Variants in CHCHD7 observed in about 807,000 individuals in gnomAD.
CHCHD7 encodes coiled-coil-helix-coiled-coil-helix domain-containing protein 7.
CHCHD7 carries 7 observed loss-of-function variants against 10.5 expected under a neutral mutation model. The ratio of observed to expected loss-of-function variants is 0.67; its 90% CI spans 0.38 to 1.25. The LOEUF (loss-of-function observed/expected upper bound fraction) is 1.25, where lower values mean the gene tolerates loss of function less well. CHCHD7 is among the 50% of genes most tolerant of loss of function. CHCHD7 has a pLI of 0.02. For synonymous variants in CHCHD7, 40 were observed against 36.0 expected (o/e 1.11, Z -0.40); for missense variants, 100 against 104.5 (o/e 0.96, Z 0.19).
intron 1 of CHCHD7, chr8:56,213,078 A>G (rs1585850438): frequency 1.2e-5 from 5 of 434,620 alleles, no homozygotes; most frequent in Non-Finnish European, 2.0e-5. Context: ...AGGTGTAAAA[A>G]AGAAAGCTGT....
intron 1 of CHCHD7, chr8:56,213,101 T>A (rs1813117073): frequency 2.4e-6 from 1 of 422,952 alleles, no homozygotes; most frequent in South Asian, 6.2e-5. Flanking sequence ...ATTTATTTAC[T>A]ATCATCATCT....
At chr8:56,215,743 A>G (rs1229088514) in intron 2 of CHCHD7, among the ~76,000 whole-genome samples, 4 of 152,170 alleles carry the variant, frequency 2.6e-5, no homozygotes, top group Non-Finnish European at 5.9e-5. Context: ...TCACAGAATC[A>G]TACCTTTCAC....
intron 2 of CHCHD7, 97 bp from the exon 3 acceptor site, chr8:56,216,336 C>T: frequency 6.5e-7 from 1 of 1,545,068 alleles, no homozygotes; most frequent in Non-Finnish European, 8.7e-7. Flanking sequence ...AACTATTTCA[C>T]ATTATTTGCT....
Position 56,216,510 on chromosome 8 carries a change from C to G in CHCHD7, c.132C>G (p.Tyr44Ter). ...RERCSTYFLRYKNCRRFWNSI... is the reference protein window; with the variant it reads ...RERCSTYFLR ...GGTGTTCCACTTACTTCTTGAGGTA[C>G]AAAAACTGCCGGAGATTCTGGGTAA... Residue 44 changes from tyrosine (Y) to a stop codon, truncating the protein, a stop_gained, in exon 3 of 4, where the codon TAC becomes TAG. Transcript: ENST00000355315. LOFTEE classifies it high-confidence loss of function. The G allele has an allele frequency of 6.2e-7, 1 of 1,614,148 alleles. No individual in the cohort carries two copies. The highest frequency in any genetic ancestry group is 1.1e-5 in the South Asian group (1 of 91,080).
intron 2 of CHCHD7, chr8:56,215,035 C>T (rs1209034784): frequency 1.1e-5 from 2 of 176,320 alleles, no homozygotes; most frequent in East Asian, 2.8e-4. Flanking sequence ...ATGTCCTTGA[C>T]AACCTGGCTG....
At chr8:56,216,910 C>T (rs75089937) in intron 3 of CHCHD7, 9,987 of 490,706 alleles carry the variant, frequency 0.02, 138 homozygotes, top group Non-Finnish European at 0.029. Flanking sequence ...CACTGCCATC[C>T]GTGGAAGTTA....
At chr8:56,216,384 T>C in intron 2 of CHCHD7, 49 bp from the exon 3 acceptor site, 1 of 1,608,262 alleles carries the variant, frequency 6.2e-7, no homozygotes, top group East Asian at 2.2e-5. Context: ...TTTGTTTGCT[T>C]TTAGATCCTG....
At chr8:56,216,240 A>T (rs1813335256) in intron 2 of CHCHD7, 193 bp from the exon 3 acceptor site, 2 of 781,562 alleles carry the variant, frequency 2.6e-6, no homozygotes, top group Admixed American at 6.0e-5. Context: ...AAAAAGGAAG[A>T]TGTTAGCCTG....
Position 56,218,419 on chromosome 8 carries a change from A to C in CHCHD7, c.*984A>C. On this transcript the variant is annotated 3_prime_UTR_variant, in exon 4 of 4. Transcript: ENST00000355315. ...GGTAGTTTTATGAAGACATACTATT[A>C]TTGAATGAAATTTAATGTGTACTTG... The C allele has an allele frequency of 4.5e-6, 1 of 219,842 alleles. No individual in the cohort carries two copies. The highest frequency in any genetic ancestry group is 9.1e-6 in the Non-Finnish European group (1 of 109,788). The allele number at this position is 219,842 out of a possible 1,614,324, so 13.6% of individuals were successfully genotyped here. A position where few individuals can be genotyped will look rare whatever the true frequency, so the allele number is the denominator to read the frequency against.
rs1263937118 is a variant in CHCHD7, at chr8:56,216,857, A to G, written c.153+326A>G. 8.3e-6 allele frequency: 5 copies of G among 605,966 alleles called. No individual in the cohort carries two copies. The Middle Eastern group carries it at 1.7e-3, about 200-fold the overall frequency. 37.5% of individuals were successfully genotyped at this position (605,966 alleles called of 1,614,324 possible). A position where few individuals can be genotyped will look rare whatever the true frequency, so the allele number is the denominator to read the frequency against. ...AACAGAATGTTTAACTTCCCTTGTC[A>G]TAACACATCATGTTAGGCTTCAATT... On this transcript the variant is annotated intron_variant, in intron 3 of 3. Coordinates refer to ENST00000355315, the MANE Select transcript of CHCHD7 (RefSeq NM_001011671.3).
In CHCHD7 at chr8:56,217,322, T is replaced by C. The variant is rs1227604228; in HGVS notation, c.154-9T>C. The stretch of plus-strand genomic sequence containing the variant: ...GTTTCTTCTTTTTTATTTTAATGCC[T>C]GTACACAGAATTCTATCGTGATGCA... On this transcript the variant is annotated splice_polypyrimidine_tract_variant and intron_variant, in intron 3 of 3. Coordinates refer to ENST00000355315, the MANE Select transcript of CHCHD7 (RefSeq NM_001011671.3). 47 of 1,557,866 alleles carry C rather than the reference T, an allele frequency of 3.0e-5. No individual in the cohort carries two copies. Among genetic ancestry groups the C allele is most frequent in the Non-Finnish European group, 4.1e-5 (46 of 1,130,030 alleles).
intron 1 of CHCHD7, chr8:56,214,150 T>C (rs1346470472): frequency 6.5e-6 from 1 of 152,790 alleles, no homozygotes; most frequent in East Asian, 1.9e-4. Context: ...ATCACAGCTC[T>C]CTGCAGCCTT....
rs1257442475 is a variant in CHCHD7 at position 56,214,669 on chromosome 8, T to C, written c.54+2T>C. The C allele has an allele frequency of 1.2e-6, 2 of 1,612,444 alleles. No homozygotes were observed. ...CCTGACATAAATCCTTGTTTGTCGG[T>C]AGGATGGTTTGCTTTAATTTTCATG... On this transcript the variant is annotated splice_donor_variant, in intron 2 of 3. Transcript: ENST00000355315. LOFTEE classifies it high-confidence loss of function.
rs1813477452 is a variant in CHCHD7 at position 56,218,286 on chromosome 8, C to T, written c.*851C>T. 4.4e-6 allele frequency: 1 copy of T among 229,234 alleles called. No individual in the cohort carries two copies. The highest frequency in any genetic ancestry group is 5.7e-5 in the Admixed American group (1 of 17,608). The allele number at this position is 229,234 out of a possible 1,614,324, so 14.2% of individuals were successfully genotyped here. A position where few individuals can be genotyped will look rare whatever the true frequency, so the allele number is the denominator to read the frequency against. ...CAACACTGGGATGAGACTAGAACTTCACTTTATGATATAAACACAATACGA... is the reference window on the plus strand; with the variant it reads ...CAACACTGGGATGAGACTAGAACTTTACTTTATGATATAAACACAATACGA... On this transcript the variant is annotated 3_prime_UTR_variant, in exon 4 of 4. Coordinates refer to ENST00000355315, the MANE Select transcript of CHCHD7 (RefSeq NM_001011671.3).
At chr8:56,216,779 A>G in intron 3 of CHCHD7, 1 of 699,394 alleles carries the variant, frequency 1.4e-6, no homozygotes, top group South Asian at 1.5e-5. Context: ...ACATTTAAGT[A>G]TCTGCAGCCC....
chr8:56,214,772 C>G, intron 2 of CHCHD7, 105 bp downstream of exon 2: 1 of 783,462 alleles, frequency 1.3e-6, no homozygotes, highest in Non-Finnish European at 2.1e-6. Context: ...AGTTATTTCT[C>G]TAGAAAAAAT....
rs1813427080 is a variant in CHCHD7 at position 56,217,505 on chromosome 8, AT to A, written c.*73del. On this transcript the variant is annotated 3_prime_UTR_variant, in exon 4 of 4. Transcript: ENST00000355315. ...ATTTCTAATAAATGATTGCTGTAAT[AT>A]TTAAGACTGTACACCCCTCACCCAG... The A allele has an allele frequency of 1.0e-6, 1 of 971,090 alleles. No homozygotes were observed. The allele number at this position is 971,090 out of a possible 1,614,324, so 60.2% of individuals were successfully genotyped here.
rs192444762 is a variant in CHCHD7, at chr8:56,218,283, C to A, written c.*848C>A. The A allele has an allele frequency of 3.9e-5, 9 of 229,418 alleles. No individual in the cohort carries two copies. The Admixed American group carries it at 4.5e-4, about 12-fold the overall frequency. 14.2% of individuals were successfully genotyped at this position (229,418 alleles called of 1,614,324 possible). ...ACTCAACACTGGGATGAGACTAGAA[C>A]TTCACTTTATGATATAAACACAATA... is the stretch of plus-strand genomic sequence containing the variant. On this transcript the variant is annotated 3_prime_UTR_variant, in exon 4 of 4. Transcript: ENST00000355315.
At chr8:56,215,692 C>G (rs1289002543) in intron 2 of CHCHD7, 1 of 152,230 alleles carries the variant, frequency 6.6e-6, no homozygotes, top group African/African-American at 2.4e-5. Flanking sequence ...ACCAGTACCA[C>G]TTTGTGGCCT....
Sources: gnomAD v4.1 joint callset for allele counts (sites outside exome capture counted in the v4.1 genomes callset) on GRCh38, gnomAD v4.1.1 for gene constraint, MANE v1.5 for transcripts, NCBI Gene and HGNC (gene_info 2026-07-23, HGNC 2026-07-21) for gene names.